SGCZ: variants seen among roughly 807,000 people sequenced by gnomAD.
The protein encoded by SGCZ is sarcoglycan zeta.
A neutral mutation model predicts 41.3 loss-of-function variants in SGCZ; 40 were observed. The ratio of observed to expected loss-of-function variants is 0.97; its 90% CI spans 0.75 to 1.26. The LOEUF (loss-of-function observed/expected upper bound fraction) is 1.26. SGCZ is among the 50% of genes most tolerant of loss of function. The pLI is 0.00. For missense variants in SGCZ, 552 were observed against 369.8 expected (o/e 1.49, Z -4.04); for synonymous variants, 206 against 137.5 (o/e 1.50, Z -3.49).
At chr8:15,083,746 TTTG>T (rs1360228689) in intron 1 of SGCZ, among the ~76,000 whole-genome samples, 5 of 152,034 alleles carry the variant, frequency 3.3e-5, no homozygotes, top group East Asian at 1.9e-4. Context: ...TTTTGGGTTT[TTTG>T]TTGTTGTTGT....
intron 1 of SGCZ, among the ~76,000 whole-genome samples, chr8:15,089,421 A>G (rs1806068471): frequency 6.6e-6 from 1 of 152,122 alleles, no homozygotes; most frequent in African/African-American, 2.4e-5. Context: ...ATGCTCCTCT[A>G]AAAATCTGAA....
intron 1 of SGCZ, among the ~76,000 whole-genome samples, chr8:14,765,633 T>C (rs7822116): frequency 0.36 from 54,489 of 152,054 alleles, 11,705 homozygotes; most frequent in East Asian, 0.51. Context: ...ACAATAAAGA[T>C]ACACATAAAA....
chr8:14,558,632 T>C (rs1256297342), intron 1 of SGCZ, among the ~76,000 whole-genome samples: 4 of 143,778 alleles, frequency 2.8e-5, no homozygotes, highest in Non-Finnish European at 6.2e-5. Flanking sequence ...TAAATAATTA[T>C]ATGATGCCAG....
intron 2 of SGCZ, among the ~76,000 whole-genome samples, chr8:14,517,707 G>A (rs956317878): frequency 6.6e-6 from 1 of 151,808 alleles, no homozygotes; most frequent in African/African-American, 2.4e-5. Flanking sequence ...ATTTTTAGGG[G>A]ATATTGCTTG....
At chr8:15,168,468 A>G (rs268403) in intron 1 of SGCZ, among the ~76,000 whole-genome samples, 34,858 of 152,144 alleles carry the variant, frequency 0.23, 4,890 homozygotes, top group East Asian at 0.68. Context: ...AGCTCCCCCC[A>G]CAACCCAACC....
In SGCZ at chr8:14,102,427, G is replaced by T; in HGVS notation, c.693C>A (p.Asp231Glu). The T allele has an allele frequency of 6.5e-7, 1 of 1,533,662 alleles. No homozygotes were observed. Among genetic ancestry groups the T allele is most frequent in the Non-Finnish European group, 8.9e-7 (1 of 1,129,288 alleles). Residue 231 changes from aspartate (D) to glutamate (E), a missense_variant, in exon 7 of 8, where the codon GAC (aspartate) becomes GAA (glutamate). Coordinates refer to ENST00000382080, the MANE Select transcript of SGCZ (RefSeq NM_139167.4). Reference sequence around the variant, plus strand: ...GCTCCTTCCTGCAGGTGGCCTTGAAGTCTCCTGCAGCAGCACTCACCTGGA... The same window carrying T: ...GCTCCTTCCTGCAGGTGGCCTTGAATTCTCCTGCAGCAGCACTCACCTGGA... ...RGVQVSAAAGDFKATCRKELH... is the reference protein window; with the variant it reads ...RGVQVSAAAGEFKATCRKELH...
chr8:14,466,213 G>C (rs577023892), intron 2 of SGCZ, among the ~76,000 whole-genome samples: 4 of 151,808 alleles, frequency 2.6e-5, no homozygotes, highest in Non-Finnish European at 5.9e-5. Context: ...ATTTCTCCTT[G>C]ACTATCAATG....
intron 7 of SGCZ, among the ~76,000 whole-genome samples, chr8:14,091,166 T>A (rs1194924633): frequency 6.6e-6 from 1 of 151,880 alleles, no homozygotes; most frequent in East Asian, 1.9e-4. Flanking sequence ...GGACATGAAC[T>A]CATCCTTTTT....
At chr8:14,889,327 A>T in intron 1 of SGCZ, among the ~76,000 whole-genome samples, 1 of 152,168 alleles carries the variant, frequency 6.6e-6, no homozygotes, top group South Asian at 2.1e-4. Context: ...AAAATCCTGT[A>T]AAAAGTACTT....
chr8:15,053,378 G>T (rs1210111775), intron 1 of SGCZ, among the ~76,000 whole-genome samples: 1 of 151,820 alleles, frequency 6.6e-6, no homozygotes, highest in Non-Finnish European at 1.5e-5. Context: ...GCCTGACTTA[G>T]TTTCCTCTCC....
intron 1 of SGCZ, among the ~76,000 whole-genome samples, chr8:15,095,920 G>A (rs1319941787): frequency 1.3e-5 from 2 of 152,104 alleles, no homozygotes; most frequent in Non-Finnish European, 2.9e-5. Context: ...GCCTTTTCAA[G>A]AAGCAGTTTA....
chr8:14,536,874 T>A (rs896525669), intron 2 of SGCZ, among the ~76,000 whole-genome samples: 3 of 151,972 alleles, frequency 2.0e-5, no homozygotes, highest in Admixed American at 2.0e-4. Flanking sequence ...TCTTCAGTGT[T>A]GAGCAGAGAA....
chr8:14,272,359 G>A (rs1800093703), intron 3 of SGCZ, among the ~76,000 whole-genome samples: 1 of 152,134 alleles, frequency 6.6e-6, no homozygotes, highest in Non-Finnish European at 1.5e-5. Context: ...GTGACTATAT[G>A]ACGGACTTTT....
At chr8:14,933,577 G>A (rs1368446889) in intron 1 of SGCZ, among the ~76,000 whole-genome samples, 2 of 151,540 alleles carry the variant, frequency 1.3e-5, no homozygotes, top group Non-Finnish European at 2.9e-5. Context: ...GACTACAGGC[G>A]CCTGCCACCA....
chr8:14,631,420 G>A (rs1353625785), intron 1 of SGCZ, among the ~76,000 whole-genome samples: 5 of 151,984 alleles, frequency 3.3e-5, no homozygotes, highest in Non-Finnish European at 7.4e-5. Flanking sequence ...GTGCCATGTC[G>A]TAGCTTGAAA....
chr8:14,969,353 C>A (rs1387631577), intron 1 of SGCZ, among the ~76,000 whole-genome samples: 2 of 152,066 alleles, frequency 1.3e-5, no homozygotes, highest in Non-Finnish European at 2.9e-5. Context: ...CATCATTATT[C>A]TTTAATGTTT....
At chr8:14,939,513 G>A (rs1261234822) in intron 1 of SGCZ, among the ~76,000 whole-genome samples, 1 of 152,006 alleles carries the variant, frequency 6.6e-6, no homozygotes, top group Non-Finnish European at 1.5e-5. Flanking sequence ...TATCGTATGA[G>A]GATGGTTAAA....
At chr8:14,820,977 T>C (rs557727876) in intron 1 of SGCZ, among the ~76,000 whole-genome samples, 2 of 146,090 alleles carry the variant, frequency 1.4e-5, no homozygotes, top group South Asian at 4.3e-4. Flanking sequence ...AAGGAAATAA[T>C]AAAGCTCAGA....
At chr8:14,183,092 T>TA (rs1354225150) in intron 4 of SGCZ, among the ~76,000 whole-genome samples, 1 of 150,376 alleles carries the variant, frequency 6.6e-6, no homozygotes, top group East Asian at 1.9e-4. Context: ...TAAATAGTAA[T>TA]AAAAAACACA....
Sources: allele counts gnomAD v4.1 joint callset (sites outside exome capture counted in the v4.1 genomes callset), GRCh38; gene constraint gnomAD v4.1.1; transcripts MANE v1.5; gene names NCBI Gene and HGNC (gene_info 2026-07-23, HGNC 2026-07-21).